The following TECPR2 variants were observed in gnomAD, a reference collection of about 807,000 sequenced individuals.
TECPR2 encodes tectonin beta-propeller repeat containing 2, also known as tectonin beta-propeller repeat-containing protein 2.
In TECPR2, 65 loss-of-function variants were observed where a neutral mutation model predicts 138.1. The ratio of observed to expected loss-of-function variants is 0.47; its 90% CI spans 0.39 to 0.58. The LOEUF is 0.58. Ranked by LOEUF, TECPR2 falls within the 20% of genes least tolerant of loss-of-function variation. The pLI is 0.00. For synonymous variants in TECPR2, 746 were observed against 749.8 expected, an observed-to-expected ratio of 0.99 and a Z score of 0.08; for missense variants, 1,553 against 1,824.5, an observed-to-expected ratio of 0.85 and a Z score of 2.71.
chr14:102,421,704 G>A (rs1277481570), intron 5 of TECPR2, among the ~76,000 whole-genome samples: 1 of 152,182 alleles, frequency 6.6e-6, no homozygotes, highest in Non-Finnish European at 1.5e-5. Context: ...GGGACTTAGT[G>A]TCACAAGCAT....
Position 102,376,749 on chromosome 14 carries a change from T to A in TECPR2, c.28T>A (p.Phe10Ile). The change falls in exon 2 of 20, where the codon TTC becomes ATC. Residue 10 changes from phenylalanine to isoleucine, a missense_variant. Physicochemically the swap from Phe to Ile is conservative, Grantham distance 21 (BLOSUM62 0). Coordinates refer to ENST00000359520, the MANE Select transcript of TECPR2 (RefSeq NM_014844.5). The stretch of plus-strand genomic sequence containing the variant: ...GGCATCGATATCAGAGCCTGTTACA[T>A]TCAGAGAGTTCTGCCCGTTGTACTA... MASISEPVT[F>I]REFCPLYYLL... 6.2e-7 allele frequency: 1 copy of A among 1,614,226 alleles called. No individual in the cohort carries two copies. Among genetic ancestry groups the A allele is most frequent in the Non-Finnish European group, 8.5e-7 (1 of 1,180,034 alleles).
intron 3 of TECPR2, 59 bp from the exon 4 acceptor site, chr14:102,408,429 C>G: frequency 6.5e-7 from 1 of 1,540,166 alleles, no homozygotes; most frequent in East Asian, 2.3e-5. Flanking sequence ...CCATGTAGCC[C>G]CAGCTCACAG....
chr14:102,427,000 G>C (rs570797177), intron 6 of TECPR2, among the ~76,000 whole-genome samples: 7 of 152,166 alleles, frequency 4.6e-5, no homozygotes, highest in Non-Finnish European at 7.4e-5. Context: ...GGCCCGGGGT[G>C]GGGGGCAGAA....
chr14:102,479,787 T>C (rs1009176482), intron 17 of TECPR2, among the ~76,000 whole-genome samples: 2 of 152,228 alleles, frequency 1.3e-5, no homozygotes, highest in Non-Finnish European at 2.9e-5. Flanking sequence ...CCAACCTCAC[T>C]GAGCCAGCGT....
intron 2 of TECPR2, among the ~76,000 whole-genome samples, chr14:102,378,510 T>A (rs1010724472): frequency 3.9e-5 from 6 of 152,184 alleles, no homozygotes; most frequent in African/African-American, 1.4e-4. Flanking sequence ...TCTTCCTCAT[T>A]TACTAAGGAG....
At position 102,414,638 on chromosome 14, in the gene TECPR2, G is replaced by GCT; in HGVS notation, c.486_487dup (p.Cys163SerfsTer42). The GCT allele has an allele frequency of 6.2e-7, 1 of 1,614,116 alleles. No individual in the cohort carries two copies. The highest frequency in any genetic ancestry group is 8.5e-7 in the Non-Finnish European group (1 of 1,180,004). ...TGTAACCAGACTTTCTCTGCCAGGG[G>GCT]CTCTGTAACTCCCAGCTGGTGTTGG... is the stretch of plus-strand genomic sequence containing the variant. On this transcript the variant is annotated frameshift_variant, in exon 5 of 20. Transcript: ENST00000359520. LOFTEE classifies it high-confidence loss of function.
intron 3 of TECPR2, 120 bp from the exon 4 acceptor site, chr14:102,408,368 G>A (rs920325171): frequency 1.2e-5 from 14 of 1,153,072 alleles, no homozygotes; most frequent in Middle Eastern, 2.6e-4. Flanking sequence ...CTTGGAAAAC[G>A]AGATTGGGAA....
At chr14:102,458,782 A>G (rs1890336007) in intron 16 of TECPR2, among the ~76,000 whole-genome samples, 1 of 151,682 alleles carries the variant, frequency 6.6e-6, no homozygotes, top group Non-Finnish European at 1.5e-5. Context: ...GACATTCTTC[A>G]TTGACTGTCC....
rs531422863 is a variant in TECPR2 at position 102,494,565 on chromosome 14, G to A, written c.3790-2414G>A. On this transcript the variant is annotated intron_variant, in intron 17 of 19. Coordinates refer to ENST00000359520, the MANE Select transcript of TECPR2 (RefSeq NM_014844.5). The stretch of plus-strand genomic sequence containing the variant: ...AGCTCGGACGGGTGCGGTGGCTCAC[G>A]CCTGTAATCCCAGCACTTTTGGGAG... 8.6e-5 allele frequency among the ~76,000 whole-genome samples: 13 copies of A among 151,502 alleles called. No individual in the cohort carries two copies. The East Asian group carries it at 1.8e-3, about 20-fold the overall frequency.
intron 9 of TECPR2, among the ~76,000 whole-genome samples, chr14:102,436,661 A>G (rs757129213): frequency 1.3e-5 from 2 of 152,092 alleles, no homozygotes; most frequent in African/African-American, 2.4e-5. Context: ...TTATCTTTTC[A>G]ACCCAGTGGT....
At chr14:102,447,295 G>C (rs1244959132) in intron 13 of TECPR2, among the ~76,000 whole-genome samples, 1 of 151,764 alleles carries the variant, frequency 6.6e-6, no homozygotes, top group African/African-American at 2.4e-5. Flanking sequence ...TATTTTGGTA[G>C]AGACAAGGTC....
At position 102,492,470 on chromosome 14, in the gene TECPR2, G is replaced by A. The variant is rs370781633; in HGVS notation, c.3790-4509G>A. On this transcript the variant is annotated intron_variant, in intron 17 of 19. Coordinates refer to ENST00000359520, the MANE Select transcript of TECPR2 (RefSeq NM_014844.5). ...GTCATGCTGTGCACTTAGGATTTGT[G>A]TAGTTTTCAAATGTATATTTTCCTC... 8.5e-5 allele frequency among the ~76,000 whole-genome samples: 13 copies of A among 152,390 alleles called. No homozygotes were observed. The East Asian group carries it at 2.1e-3, about 25-fold the overall frequency.
chr14:102,414,656 G>A lies in TECPR2; in HGVS notation c.501G>A (p.Leu167=). ...DLDQGLCNSQ[L]VLEEPSSIVQ... is the part of the protein sequence containing the mutation. ...GCCAGGGGCTCTGTAACTCCCAGCT[G>A]GTGTTGGAGGAGCCATCTTCCATTG... Residue 167 remains leucine, a synonymous_variant, in exon 5 of 20, where the codon CTG becomes CTA. Coordinates refer to ENST00000359520, the MANE Select transcript of TECPR2 (RefSeq NM_014844.5). The A allele has an allele frequency of 6.2e-7, 1 of 1,614,208 alleles. No homozygotes were observed. Among genetic ancestry groups the A allele is most frequent in the Admixed American group, 1.7e-5 (1 of 60,018 alleles).
chr14:102,366,792 T>G (rs1165129020), intron 1 of TECPR2, among the ~76,000 whole-genome samples: 1 of 152,272 alleles, frequency 6.6e-6, no homozygotes, highest in Non-Finnish European at 1.5e-5. Flanking sequence ...GTTGCTTACA[T>G]TCTTGTAGGA....
At chr14:102,394,588 C>T (rs1432726479) in intron 2 of TECPR2, among the ~76,000 whole-genome samples, 2 of 152,082 alleles carry the variant, frequency 1.3e-5, no homozygotes, top group East Asian at 1.9e-4. Flanking sequence ...GGTGACAGAG[C>T]GAGACCCTGT....
chr14:102,470,639 CTTT>C (rs200949179), intron 17 of TECPR2, among the ~76,000 whole-genome samples: 6 of 135,992 alleles, frequency 4.4e-5, no homozygotes, highest in Non-Finnish European at 6.4e-5. Flanking sequence ...TCTTCTTCTT[CTTT>C]TTTTTTTTTT....
Position 102,498,370 on chromosome 14 carries a change from C to A in TECPR2, c.*113C>A. ...TCAACACTTGTCCAGACACCTCTGG[C>A]CAGGTTGGACCCGCACACTTACTTT... On this transcript the variant is annotated 3_prime_UTR_variant, in exon 20 of 20. Coordinates refer to ENST00000359520, the MANE Select transcript of TECPR2 (RefSeq NM_014844.5). 2 of 1,272,620 alleles carry A rather than the reference C, an allele frequency of 1.6e-6. No homozygotes were observed. Among genetic ancestry groups the A allele is most frequent in the Non-Finnish European group, 2.1e-6 (2 of 944,608 alleles). 78.8% of individuals were successfully genotyped at this position (1,272,620 alleles called of 1,614,324 possible).
intron 2 of TECPR2, among the ~76,000 whole-genome samples, chr14:102,392,764 G>A (rs1888212045): frequency 6.6e-6 from 1 of 152,118 alleles, no homozygotes; most frequent in Non-Finnish European, 1.5e-5. Flanking sequence ...CTCCACAGAT[G>A]GGGTTTATGT....
At chr14:102,460,998 A>T (rs1435193980) in intron 16 of TECPR2, among the ~76,000 whole-genome samples, 5 of 147,770 alleles carry the variant, frequency 3.4e-5, no homozygotes, top group Non-Finnish European at 7.5e-5. Context: ...CCCAGCCTCA[A>T]TTTTTTTTTT....
Sources: gnomAD v4.1 joint callset for allele counts (sites outside exome capture counted in the v4.1 genomes callset) on GRCh38, gnomAD v4.1.1 for gene constraint, MANE v1.5 for transcripts, NCBI Gene and HGNC (gene_info 2026-07-23, HGNC 2026-07-21) for gene names.